Variants in TNFAIP8L1 observed in about 807,000 individuals in gnomAD.
TNFAIP8L1 encodes TNF alpha induced protein 8 like 1.
For synonymous variants in TNFAIP8L1, 127 were observed against 125.6 expected (o/e 1.01, Z -0.08); for missense variants, 225 against 266.1 (o/e 0.85, Z 1.08).
chr19:4,642,187 AAGAAG>A (rs2088266847), intron 1 of TNFAIP8L1: 2 of 152,080 alleles, frequency 1.3e-5, no homozygotes, highest in Non-Finnish European at 1.5e-5. Context: ...CTCAAAGAAA[AAGAAG>A]AGAATTGGCT....
intron 1 of TNFAIP8L1, among the ~76,000 whole-genome samples, chr19:4,642,668 A>C (rs1017854504): frequency 4.0e-5 from 6 of 151,686 alleles, no homozygotes; most frequent in African/African-American, 1.5e-4. Flanking sequence ...GCCCTGGGGC[A>C]AGATGGCGCC....
At chr19:4,644,391 A>AAG (rs1163654806) in intron 1 of TNFAIP8L1, among the ~76,000 whole-genome samples, 1 of 150,060 alleles carries the variant, frequency 6.7e-6, no homozygotes, top group African/African-American at 2.5e-5. Context: ...AAAAAAAAAA[A>AAG]AAAATTAACC....
Position 4,645,794 on chromosome 19 carries a change from G to T in TNFAIP8L1, c.-3-6073G>T, listed in dbSNP as rs1462324364. ...TGCCTGGTCACCCATTTTGCAGATG[G>T]GAAAGCTGCCCCCATGCATGGGGCC... On this transcript the variant is annotated intron_variant, in intron 1 of 1. Transcript: ENST00000327473. This position sits in a 1 kb window ranked among gnomAD's most constrained non-coding sequence, Gnocchi z 4.1. 1.3e-5 allele frequency among the ~76,000 whole-genome samples: 2 copies of T among 152,038 alleles called. No homozygotes were observed. The highest frequency in any genetic ancestry group is 4.8e-5 in the African/African-American group (2 of 41,368).
intron 1 of TNFAIP8L1, among the ~76,000 whole-genome samples, chr19:4,650,777 C>A (rs1166282329): frequency 6.6e-6 from 1 of 152,188 alleles, no homozygotes; most frequent in African/African-American, 2.4e-5. Context: ...GTGAACCCAT[C>A]ACCCCCTGGC....
chr19:4,643,415 G>A (rs941248931), intron 1 of TNFAIP8L1, among the ~76,000 whole-genome samples: 1 of 152,182 alleles, frequency 6.6e-6, no homozygotes, highest in Non-Finnish European at 1.5e-5. Context: ...CCTCTGCAGA[G>A]TCATGGGCTG....
chr19:4,642,950 C>T (rs543372550), intron 1 of TNFAIP8L1, among the ~76,000 whole-genome samples: 4 of 151,708 alleles, frequency 2.6e-5, no homozygotes, highest in East Asian at 1.9e-4. Context: ...TGCTGAGGGA[C>T]GAGGGGACCA....
chr19:4,649,061 C>T (rs890675405), intron 1 of TNFAIP8L1, among the ~76,000 whole-genome samples: 1 of 151,250 alleles, frequency 6.6e-6, no homozygotes, highest in Non-Finnish European at 1.5e-5. Context: ...CCCAAAGTAG[C>T]TGGGACTACA....
Position 4,652,395 on chromosome 19 carries a change from G to A in TNFAIP8L1, c.526G>A (p.Gly176Ser). Residue 176 changes from glycine (G) to serine (S), a missense_variant, in exon 2 of 2, where the codon GGC (glycine) becomes AGC (serine). Coordinates refer to ENST00000327473, the MANE Select transcript of TNFAIP8L1 (RefSeq NM_152362.3). ...CTCCCACCTGCGCAGGATCTGCGAG[G>A]GCCTGGGCCGGATGCTGGACGAGGG... is the stretch of plus-strand genomic sequence containing the variant. ...YRSHLRRICE[G>S]LGRMLDEGSL 1.3e-6 allele frequency: 2 copies of A among 1,543,888 alleles called. No homozygotes were observed. Among genetic ancestry groups the A allele is most frequent in the Non-Finnish European group, 1.7e-6 (2 of 1,145,222 alleles).
At position 4,652,197 on chromosome 19, in the gene TNFAIP8L1, A is replaced by G; in HGVS notation, c.328A>G (p.Thr110Ala). 1 of 1,545,098 alleles carries G rather than the reference A, an allele frequency of 6.5e-7. No homozygotes were observed. ...TAVSFHQVDF[T>A]FDRRVLAAGL... ...CGTCAGCTTCCACCAGGTGGACTTC[A>G]CCTTCGACCGGCGCGTGCTGGCCGC... Residue 110 changes from threonine (T) to alanine (A), a missense_variant, in exon 2 of 2, where the codon ACC becomes GCC. Thr to Ala is a moderately conservative substitution (Grantham distance 58). Transcript: ENST00000327473.
chr19:4,650,762 C>T (rs961142657), intron 1 of TNFAIP8L1, among the ~76,000 whole-genome samples: 1 of 152,148 alleles, frequency 6.6e-6, no homozygotes, highest in South Asian at 2.1e-4. Flanking sequence ...CACAAATGGC[C>T]CCCTGTGAAC....
intron 1 of TNFAIP8L1, among the ~76,000 whole-genome samples, chr19:4,647,609 CTTT>C (rs57985958): frequency 0.048 from 3,863 of 80,456 alleles, 131 homozygotes; most frequent in African/African-American, 0.18. Flanking sequence ...GTGCACCTGG[CTTT>C]TTTTTTTTTT....
chr19:4,648,502 G>C (rs571952177), intron 1 of TNFAIP8L1, among the ~76,000 whole-genome samples: 6 of 152,332 alleles, frequency 3.9e-5, no homozygotes, highest in Non-Finnish European at 5.9e-5. Context: ...CCAGGTGTCA[G>C]CAGGTCCCGG....
intron 1 of TNFAIP8L1, among the ~76,000 whole-genome samples, chr19:4,648,388 C>T (rs2088331366): frequency 1.3e-5 from 2 of 152,200 alleles, no homozygotes; most frequent in African/African-American, 4.8e-5. Flanking sequence ...GCCTGTTCCC[C>T]TGGGAGAGCA....
rs911979725 is a variant in TNFAIP8L1, at chr19:4,654,687, C to T, written c.*2257C>T. 2.6e-5 allele frequency: 4 copies of T among 152,200 alleles called. No homozygotes were observed. Among genetic ancestry groups the T allele is most frequent in the Admixed American group, 6.5e-5 (1 of 15,272 alleles). 9.4% of individuals were successfully genotyped at this position (152,200 alleles called of 1,614,324 possible). The stretch of plus-strand genomic sequence containing the variant: ...ACCATGTTGCTTTTATAAGACAGAG[C>T]TGAGAAAGCAAAGCTTGGCTGTCGT... On this transcript the variant is annotated 3_prime_UTR_variant, in exon 2 of 2. Coordinates refer to ENST00000327473, the MANE Select transcript of TNFAIP8L1 (RefSeq NM_152362.3).
Position 4,652,586 on chromosome 19 carries a change from G to A in TNFAIP8L1, c.*156G>A. 2 of 705,208 alleles carry A rather than the reference G, an allele frequency of 2.8e-6. No individual in the cohort carries two copies. Among genetic ancestry groups the A allele is most frequent in the East Asian group, 6.2e-5 (2 of 32,318 alleles). The allele number at this position is 705,208 out of a possible 1,614,324, so 43.7% of individuals were successfully genotyped here. A position where few individuals can be genotyped will look rare whatever the true frequency, so the allele number is the denominator to read the frequency against. On this transcript the variant is annotated 3_prime_UTR_variant, in exon 2 of 2. Transcript: ENST00000327473. ...GGTGACCTGTCTCCTTTGAGAGGAT[G>A]CTGAGGCATCTGTAGCAGCTGTTTC...
rs117764185 is a variant in TNFAIP8L1, at chr19:4,652,777, C to T, written c.*347C>T. 343 of 279,942 alleles carry T rather than the reference C, an allele frequency of 1.2e-3. No individual in the cohort carries two copies. The highest frequency in any genetic ancestry group is 3.6e-3 in the South Asian group (25 of 6,982). The allele number at this position is 279,942 out of a possible 1,614,324, so 17.3% of individuals were successfully genotyped here. A position where few individuals can be genotyped will look rare whatever the true frequency, so the allele number is the denominator to read the frequency against. On this transcript the variant is annotated 3_prime_UTR_variant, in exon 2 of 2. Transcript: ENST00000327473. ...CTGCTGCCTCCCACTTGGATCATGT[C>T]GCCTGGGATTTTCATCCCTCGCACA...
chr19:4,642,931 G>T (rs1469805751), intron 1 of TNFAIP8L1, among the ~76,000 whole-genome samples: 2 of 152,096 alleles, frequency 1.3e-5, no homozygotes, highest in African/African-American at 2.4e-5. Context: ...GGGGCATGGG[G>T]ATAGATGGTG....
intron 1 of TNFAIP8L1, among the ~76,000 whole-genome samples, chr19:4,649,288 C>T (rs1265518147): frequency 2.0e-5 from 3 of 151,592 alleles, no homozygotes; most frequent in African/African-American, 7.3e-5. Flanking sequence ...TGCAAGTTCA[C>T]AGAGCTGAGG....
chr19:4,642,469 T>A (rs1461396486), intron 1 of TNFAIP8L1: 1 of 139,732 alleles, frequency 7.2e-6, no homozygotes, highest in Non-Finnish European at 1.5e-5. Flanking sequence ...TGACAGAGTG[T>A]GAGACTCCAT....
Sources: allele counts gnomAD v4.1 joint callset (sites outside exome capture counted in the v4.1 genomes callset), GRCh38; gene constraint gnomAD v4.1.1; non-coding constraint Gnocchi (gnomAD v3.1); transcripts MANE v1.5; gene names NCBI Gene and HGNC (gene_info 2026-07-23, HGNC 2026-07-21).